The following CABYR variants were observed in gnomAD, a reference collection of about 807,000 sequenced individuals.
The protein encoded by CABYR is calcium-binding tyrosine phosphorylation-regulated protein.
In CABYR, 31 loss-of-function variants were observed where a neutral mutation model predicts 36.1. The observed-to-expected ratio is 0.86, with a 90% CI of 0.64 to 1.16. The LOEUF is 1.16. Among genes scored for constraint, CABYR ranks in the 50% most tolerant of loss-of-function variants. CABYR has a pLI of 0.00. For missense variants in CABYR, 429 were observed against 455.8 expected (o/e 0.94, Z 0.53); for synonymous variants, 146 against 160.7 (o/e 0.91, Z 0.69).
At chr18:24,150,504 G>T in intron 3 of CABYR, 2 of 660,654 alleles carry the variant, frequency 3.0e-6, no homozygotes, top group African/African-American at 3.9e-5. Context: ...TAATCAGAAT[G>T]AGATCTTTAG....
chr18:24,160,090 T>C, intron 5 of CABYR, 21 bp downstream of exon 5: 1 of 1,516,640 alleles, frequency 6.6e-7, no homozygotes, highest in Non-Finnish European at 9.1e-7. Context: ...TTTCCTACCA[T>C]AATATTTAGG....
chr18:24,151,706 T>A (rs1404568416), intron 3 of CABYR, among the ~76,000 whole-genome samples: 2 of 150,354 alleles, frequency 1.3e-5, no homozygotes, highest in African/African-American at 4.9e-5. Flanking sequence ...TTTTTTTTTT[T>A]AAAGACAGAG....
At chr18:24,154,134 C>A (rs1486291670) in intron 3 of CABYR, among the ~76,000 whole-genome samples, 2 of 135,930 alleles carry the variant, frequency 1.5e-5, no homozygotes, top group Non-Finnish European at 3.2e-5. Flanking sequence ...AAAAATTTTT[C>A]CCCTCCTCAG....
rs2085887716 is a variant in CABYR at position 24,159,463 on chromosome 18, T to G, written c.542-9T>G. On this transcript the variant is annotated splice_polypyrimidine_tract_variant and intron_variant, in intron 4 of 5. Coordinates refer to ENST00000399496, the MANE Select transcript of CABYR (RefSeq NM_153769.3). ...AAAACTTTAATTCCTGCAAAATTTT[T>G]TTTTATAGCAATGGCAACAAGTGAA... is the stretch of plus-strand genomic sequence containing the variant. 6 of 1,604,744 alleles carry G rather than the reference T, an allele frequency of 3.7e-6. No homozygotes were observed. The highest frequency in any genetic ancestry group is 5.1e-6 in the Non-Finnish European group (6 of 1,175,886).
At chr18:24,160,128 T>TA in intron 5 of CABYR, 59 bp downstream of exon 5, 1 of 1,149,618 alleles carries the variant, frequency 8.7e-7, no homozygotes, top group Admixed American at 2.2e-5. Context: ...TTTAAGCATT[T>TA]TGATTTCTTG....
chr18:24,156,685 A>T (rs771151774), intron 4 of CABYR: 2 of 1,614,218 alleles, frequency 1.2e-6, no homozygotes, highest in East Asian at 2.2e-5. Context: ...TTGAAAGGTC[A>T]GCCTGAGGTA....
rs966700101 is a variant in CABYR, at chr18:24,159,363, A to G, written c.542-109A>G. The G allele has an allele frequency of 1.6e-5, 12 of 749,868 alleles. 1 individual carries two copies. Among genetic ancestry groups the G allele is most frequent in the Non-Finnish European group, 4.6e-6 (2 of 436,652 alleles). 46.5% of individuals were successfully genotyped at this position (749,868 alleles called of 1,614,324 possible). On this transcript the variant is annotated intron_variant, in intron 4 of 5. Transcript: ENST00000399496. Reference sequence around the variant, plus strand: ...CTCTCTATAGCATGCTCTACGGTACATATCACTACAGCTGTTTTATATGTA... The same window carrying G: ...CTCTCTATAGCATGCTCTACGGTACGTATCACTACAGCTGTTTTATATGTA...
chr18:24,158,289 T>C lies in CABYR; in HGVS notation c.542-1183T>C, dbSNP rs567377926. 3.3e-5 allele frequency among the ~76,000 whole-genome samples: 5 copies of C among 151,922 alleles called. No individual in the cohort carries two copies. In the South Asian group the frequency reaches 1.0e-3, roughly 32 times the overall value. The stretch of plus-strand genomic sequence containing the variant: ...AAAGTATCTGAAGCTGTTGGAAAAA[T>C]GGCCACTTAATCATGTGCGTAGTAT... On this transcript the variant is annotated intron_variant, in intron 4 of 5. Transcript: ENST00000399496.
At chr18:24,148,407 C>T (rs924937757) in intron 3 of CABYR, among the ~76,000 whole-genome samples, 12 of 152,106 alleles carry the variant, frequency 7.9e-5, no homozygotes, top group Admixed American at 2.0e-4. Flanking sequence ...ATTATCTTAG[C>T]GAAGAATAAG....
At chr18:24,150,650 G>T (rs1045088493) in intron 3 of CABYR, 19 of 715,890 alleles carry the variant, frequency 2.7e-5, no homozygotes, top group Admixed American at 1.3e-4. Flanking sequence ...ATTCCAATCA[G>T]TTCAATACAG....
chr18:24,156,782 C>G (rs1384766181), intron 4 of CABYR: 1 of 1,614,124 alleles, frequency 6.2e-7, no homozygotes. Flanking sequence ...CTTCAATAGT[C>G]TCTGACAATA....
At chr18:24,159,059 G>A (rs941074733) in intron 4 of CABYR, among the ~76,000 whole-genome samples, 18 of 152,166 alleles carry the variant, frequency 1.2e-4, no homozygotes, top group African/African-American at 4.3e-4. Flanking sequence ...AACTTCTTTA[G>A]GAAATAAACA....
chr18:24,147,977 C>CATTT (rs769618819), intron 3 of CABYR, among the ~76,000 whole-genome samples: 1 of 152,162 alleles, frequency 6.6e-6, no homozygotes, highest in Non-Finnish European at 1.5e-5. Flanking sequence ...TCTGCTGTGT[C>CATTT]ATTCTTAGGA....
chr18:24,143,043 C>T, intron 1 of CABYR, 48 bp from the exon 2 acceptor site: 1 of 896,964 alleles, frequency 1.1e-6, no homozygotes, highest in Admixed American at 2.8e-5. Context: ...AAAAAAAAAA[C>T]CTATTTTAGT....
rs758324590 is a variant in CABYR, at chr18:24,159,899, C to T, written c.969C>T (p.Val323=). Residue 323 remains valine, a synonymous_variant, in exon 5 of 6, where the codon GTC becomes GTT. Transcript: ENST00000399496. ...QNANPPSGQD[V]PRPKSPVFLS... ...CTAATCCTCCAAGTGGACAAGATGT[C>T]CCCAGGCCAAAAAGCCCTGTTTTCC... The T allele has an allele frequency of 1.2e-6, 2 of 1,614,118 alleles. No individual in the cohort carries two copies. Among genetic ancestry groups the T allele is most frequent in the South Asian group, 1.1e-5 (1 of 91,074 alleles).
At chr18:24,141,810 C>A (rs946480990) in intron 1 of CABYR, among the ~76,000 whole-genome samples, 1 of 151,854 alleles carries the variant, frequency 6.6e-6, no homozygotes, top group African/African-American at 2.4e-5. Context: ...ATCTCTGATA[C>A]CACTTAAAAG....
intron 4 of CABYR, 158 bp downstream of exon 4, chr18:24,156,200 G>A (rs763425079): frequency 6.2e-7 from 1 of 1,614,040 alleles, no homozygotes; most frequent in African/African-American, 1.3e-5. Flanking sequence ...TGCTAGAAGT[G>A]CAGGTTGTGA....
intron 3 of CABYR, among the ~76,000 whole-genome samples, chr18:24,145,604 T>A (rs981655276): frequency 1.3e-5 from 2 of 152,198 alleles, no homozygotes; most frequent in African/African-American, 4.8e-5. Flanking sequence ...CTTGGGTTTT[T>A]GTCCAACTCC....
intron 4 of CABYR, among the ~76,000 whole-genome samples, chr18:24,158,976 AAATT>A (rs2085873070): frequency 6.6e-6 from 1 of 152,218 alleles, no homozygotes; most frequent in African/African-American, 2.4e-5. Flanking sequence ...GTGTGGTAAC[AAATT>A]AATGGGAGAT....
Sources: allele counts gnomAD v4.1 joint callset (sites outside exome capture counted in the v4.1 genomes callset), GRCh38; gene constraint gnomAD v4.1.1; transcripts MANE v1.5; gene names NCBI Gene and HGNC (gene_info 2026-07-23, HGNC 2026-07-21).